The following SNTG1 variants were observed in gnomAD, a reference collection of about 807,000 sequenced individuals.
SNTG1 encodes syntrophin gamma 1, also known as gamma-1-syntrophin.
In SNTG1, 39 loss-of-function variants were observed where a neutral mutation model predicts 74.7. That is an observed-to-expected ratio of 0.52 (90% CI 0.40 to 0.68). The LOEUF (loss-of-function observed/expected upper bound fraction) is 0.68, where lower values mean the gene tolerates loss of function less well. SNTG1 is among the 30% of genes least tolerant of loss of function. The probability of loss-of-function intolerance (pLI) is 0.00; values close to 1 mark genes in which losing one functional copy is unlikely to be tolerated. For missense variants in SNTG1, 685 were observed against 609.5 expected, an observed-to-expected ratio of 1.12 and a Z score of -1.30; for synonymous variants, 254 against 217.1, an observed-to-expected ratio of 1.17 and a Z score of -1.49.
intron 1 of SNTG1, among the ~76,000 whole-genome samples, chr8:50,020,598 T>C (rs914694517): frequency 2.0e-5 from 3 of 152,170 alleles, no homozygotes; most frequent in African/African-American, 7.2e-5. Flanking sequence ...TTAATCTGCA[T>C]GGATTTTATT....
At chr8:50,132,465 A>C (rs13251700) in intron 1 of SNTG1, among the ~76,000 whole-genome samples, 23,948 of 152,150 alleles carry the variant, frequency 0.16, 2,334 homozygotes, top group Middle Eastern at 0.27. Context: ...TACAATAATT[A>C]GACTGAGACA....
At chr8:50,636,156 G>T (rs529918401) in intron 13 of SNTG1, among the ~76,000 whole-genome samples, 17 of 151,258 alleles carry the variant, frequency 1.1e-4, no homozygotes, top group Admixed American at 4.0e-4. Flanking sequence ...TATCCAAGTT[G>T]CAAGACAAAG....
At chr8:50,428,972 T>G (rs947160769) in intron 4 of SNTG1, among the ~76,000 whole-genome samples, 3 of 151,930 alleles carry the variant, frequency 2.0e-5, no homozygotes, top group African/African-American at 7.3e-5. Context: ...CTAAAAATCA[T>G]GAGTAAAAGA....
At chr8:50,251,462 C>A (rs1000736201) in intron 2 of SNTG1, among the ~76,000 whole-genome samples, 3 of 151,742 alleles carry the variant, frequency 2.0e-5, no homozygotes, top group Non-Finnish European at 1.5e-5. Flanking sequence ...CAAAATCCCA[C>A]TATATGTTGC....
intron 18 of SNTG1, among the ~76,000 whole-genome samples, chr8:50,770,802 GGTT>G (rs1386927965): frequency 6.6e-6 from 1 of 151,960 alleles, no homozygotes; most frequent in African/African-American, 2.4e-5. Context: ...CATGAGAATT[GGTT>G]GTTAAAACAA....
At chr8:50,354,803 C>T (rs377380404) in intron 2 of SNTG1, among the ~76,000 whole-genome samples, 43 of 152,234 alleles carry the variant, frequency 2.8e-4, no homozygotes, top group African/African-American at 1.0e-3. Flanking sequence ...GTAGCTAAGG[C>T]AGAACTCAGC....
chr8:50,400,591 G>A (rs13252440), intron 3 of SNTG1, among the ~76,000 whole-genome samples: 339 of 152,216 alleles, frequency 2.2e-3, no homozygotes, highest in Non-Finnish European at 3.6e-3. Context: ...TTTCTTTAAG[G>A]GATATACTAA....
chr8:50,774,909 C>T (rs1054354144), intron 18 of SNTG1, among the ~76,000 whole-genome samples: 1 of 150,760 alleles, frequency 6.6e-6, no homozygotes, highest in Non-Finnish European at 1.5e-5. Context: ...TATTATATCC[C>T]TCCAAATAAC....
chr8:50,066,453 G>T (rs1293741822), intron 1 of SNTG1, among the ~76,000 whole-genome samples: 1 of 152,102 alleles, frequency 6.6e-6, no homozygotes, highest in Non-Finnish European at 1.5e-5. Context: ...AACTGGAGTA[G>T]CAACTTTCTG....
Position 50,763,892 on chromosome 8 carries a change from CACACACACACACACA to C in SNTG1, c.1395+11783_1395+11797del, listed in dbSNP as rs1400086677. On this transcript the variant is annotated intron_variant, in intron 18 of 18. Transcript: ENST00000642720. Reference sequence around the variant, plus strand: ...ACACACACACACACACACACACACACACACACACACACACAAAAATAACCAAGGCAATTCCTATAC... The same window carrying C: ...ACACACACACACACACACACACACACAAAATAACCAAGGCAATTCCTATAC... 1.0e-4 allele frequency among the ~76,000 whole-genome samples: 12 copies of C among 116,192 alleles called. 1 individual carries two copies. The highest frequency in any genetic ancestry group is 4.0e-4 in the African/African-American group (9 of 22,382). 76.2% of individuals were successfully genotyped at this position (116,192 alleles called of 152,430 possible).
At chr8:50,485,888 T>A (rs2093788291) in intron 8 of SNTG1, among the ~76,000 whole-genome samples, 3 of 150,722 alleles carry the variant, frequency 2.0e-5, no homozygotes, top group Admixed American at 6.6e-5. Flanking sequence ...TTTCTACATA[T>A]GGCTAGCCAG....
chr8:50,333,009 T>C (rs1047575497), intron 2 of SNTG1, among the ~76,000 whole-genome samples: 2 of 152,246 alleles, frequency 1.3e-5, no homozygotes, highest in African/African-American at 2.4e-5. Context: ...AAATATATTA[T>C]ATTTGAAGCT....
chr8:50,164,427 A>T (rs2131612152), intron 1 of SNTG1: 1 of 152,296 alleles, frequency 6.6e-6, no homozygotes, highest in South Asian at 2.1e-4. Context: ...ACTGGTACTT[A>T]TTCATTTAAA....
intron 15 of SNTG1, among the ~76,000 whole-genome samples, chr8:50,703,692 G>C (rs1439271832): frequency 2.0e-5 from 3 of 151,914 alleles, no homozygotes; most frequent in Non-Finnish European, 4.4e-5. Flanking sequence ...GTATGTGCTA[G>C]ACTTACACAG....
At chr8:50,203,713 A>C (rs939167222) in intron 2 of SNTG1, among the ~76,000 whole-genome samples, 22 of 151,960 alleles carry the variant, frequency 1.4e-4, no homozygotes, top group African/African-American at 5.3e-4. Context: ...CATCCATTGT[A>C]CTATTATTGT....
chr8:50,528,836 A>T (rs1330860313), intron 9 of SNTG1, among the ~76,000 whole-genome samples: 1 of 150,282 alleles, frequency 6.7e-6, no homozygotes, highest in Non-Finnish European at 1.5e-5. Context: ...TATCTAATTT[A>T]TTAGTTTCCC....
intron 13 of SNTG1, among the ~76,000 whole-genome samples, chr8:50,620,043 T>A (rs1247505434): frequency 6.6e-6 from 1 of 151,894 alleles, no homozygotes; most frequent in Non-Finnish European, 1.5e-5. Context: ...TGCACATGAG[T>A]CTCATTGGGC....
At chr8:50,127,829 C>T (rs1291580629) in intron 1 of SNTG1, among the ~76,000 whole-genome samples, 1 of 152,122 alleles carries the variant, frequency 6.6e-6, no homozygotes. Context: ...CATTGGTTTA[C>T]AATTCAGTCT....
chr8:49,986,181 G>A (rs1813136690), intron 1 of SNTG1, among the ~76,000 whole-genome samples: 1 of 152,048 alleles, frequency 6.6e-6, no homozygotes, highest in Non-Finnish European at 1.5e-5. Flanking sequence ...ATAAAAAAGG[G>A]GAAAAATATG....
Sources: gnomAD v4.1 joint callset for allele counts (sites outside exome capture counted in the v4.1 genomes callset) on GRCh38, gnomAD v4.1.1 for gene constraint, MANE v1.5 for transcripts, NCBI Gene and HGNC (gene_info 2026-07-23, HGNC 2026-07-21) for gene names.